CDKAL1: variants seen among roughly 807,000 people sequenced by gnomAD.
The protein encoded by CDKAL1 is CDKAL1 threonylcarbamoyladenosine tRNA methylthiotransferase.
CDKAL1 carries 32 observed loss-of-function variants against 68.2 expected under a neutral mutation model. The ratio of observed to expected loss-of-function variants is 0.47; its 90% CI spans 0.35 to 0.63. CDKAL1 has a LOEUF of 0.63. CDKAL1 is among the 30% of genes least tolerant of loss of function. The probability of loss-of-function intolerance (pLI) is 0.00; values close to 1 mark genes in which losing one functional copy is unlikely to be tolerated. For synonymous variants in CDKAL1, 234 were observed against 244.3 expected (o/e 0.96, Z 0.39); for missense variants, 606 against 696.7 (o/e 0.87, Z 1.47).
chr6:20,880,927 G>A (rs1760780518), intron 9 of CDKAL1, among the ~76,000 whole-genome samples: 2 of 152,144 alleles, frequency 1.3e-5, no homozygotes, highest in South Asian at 4.1e-4. Context: ...TTTGGCAAGG[G>A]ACCATCGGCT....
intron 10 of CDKAL1, among the ~76,000 whole-genome samples, chr6:20,971,476 A>T (rs1373531514): frequency 2.6e-5 from 4 of 152,242 alleles, no homozygotes. Flanking sequence ...AAACTCTAGA[A>T]TTTGCAACAG....
chr6:20,683,442 T>C (rs1020788965), intron 5 of CDKAL1, among the ~76,000 whole-genome samples: 2 of 152,256 alleles, frequency 1.3e-5, no homozygotes, highest in Admixed American at 1.3e-4. Flanking sequence ...GCTTTACTTA[T>C]ATTGAGAGAT....
intron 5 of CDKAL1, among the ~76,000 whole-genome samples, chr6:20,736,723 G>C (rs1250764129): frequency 6.6e-6 from 1 of 151,136 alleles, no homozygotes; most frequent in Non-Finnish European, 1.5e-5. Context: ...AGTGAGCCAA[G>C]ACAGCACCAT....
chr6:21,113,910 A>G (rs536922477), intron 13 of CDKAL1, among the ~76,000 whole-genome samples: 1 of 152,084 alleles, frequency 6.6e-6, no homozygotes, highest in East Asian at 1.9e-4. Context: ...ACTGCTCTCC[A>G]GCCTGGGCAA....
intron 4 of CDKAL1, 118 bp from the exon 5 acceptor site, chr6:20,649,175 C>G: frequency 1.5e-6 from 1 of 674,508 alleles, no homozygotes; most frequent in South Asian, 1.7e-5. Flanking sequence ...TTGTAATTGC[C>G]TGTTCATTTT....
chr6:21,128,362 A>C (rs538205023), intron 13 of CDKAL1, among the ~76,000 whole-genome samples: 1 of 152,184 alleles, frequency 6.6e-6, no homozygotes, highest in Non-Finnish European at 1.5e-5. Flanking sequence ...AATATTTTCA[A>C]CTTATGAATG....
At chr6:20,606,115 T>C (rs1025812163) in intron 4 of CDKAL1, among the ~76,000 whole-genome samples, 16 of 152,204 alleles carry the variant, frequency 1.1e-4, no homozygotes, top group Non-Finnish European at 2.2e-4. Flanking sequence ...CATTGTGTTA[T>C]GTTCAATGTC....
intron 9 of CDKAL1, among the ~76,000 whole-genome samples, chr6:20,885,460 G>A (rs543744580): frequency 1.3e-5 from 2 of 152,170 alleles, no homozygotes; most frequent in South Asian, 4.1e-4. Context: ...GCATACAAAA[G>A]AACAAAGTTA....
At chr6:20,810,872 A>C (rs1776787354) in intron 8 of CDKAL1, among the ~76,000 whole-genome samples, 2 of 151,972 alleles carry the variant, frequency 1.3e-5, no homozygotes, top group Middle Eastern at 3.4e-3. Flanking sequence ...CCCTACCCCC[A>C]GTATTTACAA....
Position 20,874,314 on chromosome 6 carries a change from T to G in CDKAL1, c.742+28136T>G, listed in dbSNP as rs536339310. On this transcript the variant is annotated intron_variant, in intron 9 of 15. Transcript: ENST00000274695. ...GTTTTTTTGTTTGTTTGTTTGTTTT[T>G]TTTTTGAGATGGAGTCTCGCCCTGT... Among the ~76,000 whole-genome samples, 1,351 of 152,086 alleles carry G rather than the reference T, an allele frequency of 8.9e-3. 7 individuals are homozygous for G. The highest frequency in any genetic ancestry group is 0.012 in the Non-Finnish European group (826 of 67,978).
chr6:20,990,147 G>A (rs1766715640), intron 10 of CDKAL1, among the ~76,000 whole-genome samples: 1 of 152,128 alleles, frequency 6.6e-6, no homozygotes, highest in Non-Finnish European at 1.5e-5. Context: ...GGAGGCTGAG[G>A]CAGGAGAATC....
chr6:20,931,892 C>T (rs563762520), intron 9 of CDKAL1, among the ~76,000 whole-genome samples: 1 of 152,276 alleles, frequency 6.6e-6, no homozygotes, highest in Non-Finnish European at 1.5e-5. Flanking sequence ...AGAAACTCTT[C>T]AGTCGATTGA....
At chr6:20,547,632 T>C (rs1310073485) in intron 3 of CDKAL1, among the ~76,000 whole-genome samples, 1 of 152,214 alleles carries the variant, frequency 6.6e-6, no homozygotes, top group Non-Finnish European at 1.5e-5. Flanking sequence ...GAAACTAAGC[T>C]TTTAAATTCT....
chr6:20,565,338 A>G (rs568787350), intron 4 of CDKAL1, among the ~76,000 whole-genome samples: 12 of 152,240 alleles, frequency 7.9e-5, no homozygotes, highest in East Asian at 3.9e-4. Context: ...TTGAGGCAAT[A>G]TAATTTGTAT....
chr6:20,903,025 G>C (rs1438152591), intron 9 of CDKAL1, among the ~76,000 whole-genome samples: 1 of 152,104 alleles, frequency 6.6e-6, no homozygotes, highest in Non-Finnish European at 1.5e-5. Flanking sequence ...TTTTTTGAGG[G>C]AAGATGTGCA....
chr6:20,601,025 G>T (rs1766073178), intron 4 of CDKAL1, among the ~76,000 whole-genome samples: 2 of 151,948 alleles, frequency 1.3e-5, no homozygotes, highest in Admixed American at 1.3e-4. Context: ...TACTCAGATT[G>T]ATCCCGGATC....
At chr6:20,536,603 T>A (rs1206127153) in intron 2 of CDKAL1, among the ~76,000 whole-genome samples, 1 of 152,206 alleles carries the variant, frequency 6.6e-6, no homozygotes, top group Non-Finnish European at 1.5e-5. Flanking sequence ...TTATCAAACT[T>A]TAATTCAGAT....
At chr6:20,941,674 G>A (rs1763980587) in intron 9 of CDKAL1, among the ~76,000 whole-genome samples, 1 of 152,176 alleles carries the variant, frequency 6.6e-6, no homozygotes, top group South Asian at 2.1e-4. Context: ...GCCATGAAGA[G>A]GGAGAGAAGT....
chr6:20,725,463 A>C (rs62397653), intron 5 of CDKAL1, among the ~76,000 whole-genome samples: 6,036 of 152,300 alleles, frequency 0.04, 164 homozygotes, highest in Non-Finnish European at 0.06. Flanking sequence ...AGCCTCACTC[A>C]TCTGACTTTC....
Sources: gnomAD v4.1 joint callset for allele counts (sites outside exome capture counted in the v4.1 genomes callset) on GRCh38, gnomAD v4.1.1 for gene constraint, MANE v1.5 for transcripts, NCBI Gene and HGNC (gene_info 2026-07-23, HGNC 2026-07-21) for gene names.